RYR3: variants seen among roughly 807,000 people sequenced by gnomAD.
RYR3 encodes the protein ryanodine receptor 3.
Under a neutral mutation model 584.3 loss-of-function variants are expected in RYR3, and 207 were observed. The ratio of observed to expected loss-of-function variants is 0.35; its 90% CI spans 0.32 to 0.40. The LOEUF (loss-of-function observed/expected upper bound fraction) is 0.40, where lower values mean the gene tolerates loss of function less well. Among genes scored for constraint, RYR3 ranks in the 10% least tolerant of loss-of-function variants. The probability of loss-of-function intolerance (pLI) is 1.00; values close to 1 mark genes in which losing one functional copy is unlikely to be tolerated. For missense variants in RYR3, 5,616 were observed against 6,089.2 expected, an observed-to-expected ratio of 0.92 and a Z score of 2.59; for synonymous variants, 2,416 against 2,248.5, an observed-to-expected ratio of 1.07 and a Z score of -2.11.
intron 16 of RYR3, among the ~76,000 whole-genome samples, chr15:33,588,916 A>C (rs2058989949): frequency 6.6e-6 from 1 of 152,188 alleles, no homozygotes; most frequent in Non-Finnish European, 1.5e-5. Flanking sequence ...TGTGATAAAC[A>C]TACAAATGCA....
chr15:33,340,689 A>G (rs974134941), intron 1 of RYR3, among the ~76,000 whole-genome samples: 3 of 152,090 alleles, frequency 2.0e-5, no homozygotes, highest in Admixed American at 6.5e-5. Context: ...GTCCTATTGG[A>G]TTAGGGCTCC....
intron 38 of RYR3, among the ~76,000 whole-genome samples, chr15:33,687,140 A>G (rs1454774857): frequency 1.3e-5 from 2 of 152,318 alleles, no homozygotes; most frequent in South Asian, 4.1e-4. Context: ...CCTGTTTGCC[A>G]ATGACATGAT....
intron 50 of RYR3, 65 bp downstream of exon 50, chr15:33,738,655 CA>C: frequency 6.4e-7 from 1 of 1,570,820 alleles, no homozygotes; most frequent in Non-Finnish European, 8.7e-7. Flanking sequence ...CAGATAATAA[CA>C]GCCGTCATCT....
intron 2 of RYR3, among the ~76,000 whole-genome samples, chr15:33,492,505 A>G (rs1313718460): frequency 6.6e-6 from 1 of 151,742 alleles, no homozygotes; most frequent in Non-Finnish European, 1.5e-5. Context: ...AATAAAAACT[A>G]CATGTCCACA....
chr15:33,578,619 T>C (rs1037960372), intron 12 of RYR3, among the ~76,000 whole-genome samples: 12 of 148,670 alleles, frequency 8.1e-5, no homozygotes, highest in African/African-American at 3.0e-4. Flanking sequence ...GGGTGGGGGG[T>C]AGGAGGAGGC....
intron 1 of RYR3, among the ~76,000 whole-genome samples, chr15:33,315,919 G>C (rs151169698): frequency 3.0e-4 from 46 of 152,302 alleles, no homozygotes; most frequent in African/African-American, 1.1e-3. Flanking sequence ...CACTGTATAA[G>C]GACTGAGGTC....
At chr15:33,408,908 C>G (rs2043199716) in intron 1 of RYR3, among the ~76,000 whole-genome samples, 1 of 152,198 alleles carries the variant, frequency 6.6e-6, no homozygotes, top group African/African-American at 2.4e-5. Flanking sequence ...TTATAGTCAT[C>G]TACTTAGAGT....
At chr15:33,511,329 TA>T (rs34328973) in intron 3 of RYR3, among the ~76,000 whole-genome samples, 17,608 of 119,300 alleles carry the variant, frequency 0.15, 1,278 homozygotes, top group East Asian at 0.39. Flanking sequence ...TTTCTCTCTT[TA>T]AAAAAAAAAA....
intron 61 of RYR3, 110 bp downstream of exon 61, chr15:33,768,817 T>C: frequency 9.7e-7 from 1 of 1,029,958 alleles, no homozygotes; most frequent in Admixed American, 1.8e-5. Flanking sequence ...GACTAAGGTG[T>C]CACCTAAATT....
intron 1 of RYR3, among the ~76,000 whole-genome samples, chr15:33,432,117 G>A (rs143574364): frequency 2.0e-5 from 3 of 152,278 alleles, no homozygotes; most frequent in Non-Finnish European, 2.9e-5. Context: ...ATATTATGCA[G>A]TTTTGGATGA....
intron 16 of RYR3, among the ~76,000 whole-genome samples, chr15:33,587,699 A>G (rs557509867): frequency 6.6e-6 from 1 of 152,352 alleles, no homozygotes; most frequent in African/African-American, 2.4e-5. Flanking sequence ...GAGTCTTTTC[A>G]AAGACGTTCC....
chr15:33,475,155 G>A (rs2049267151), intron 2 of RYR3, among the ~76,000 whole-genome samples: 1 of 152,204 alleles, frequency 6.6e-6, no homozygotes, highest in Non-Finnish European at 1.5e-5. Context: ...AGCTACTCAT[G>A]TGACCGTGGG....
intron 1 of RYR3, among the ~76,000 whole-genome samples, chr15:33,419,847 A>C (rs1006866417): frequency 9.9e-5 from 15 of 152,154 alleles, no homozygotes; most frequent in African/African-American, 3.6e-4. Flanking sequence ...TGTACTACAT[A>C]TGTATAAAAT....
intron 38 of RYR3, among the ~76,000 whole-genome samples, chr15:33,672,230 T>G (rs1319122270): frequency 6.6e-6 from 1 of 152,200 alleles, no homozygotes; most frequent in African/African-American, 2.4e-5. Context: ...ACTTGTCACC[T>G]GCCTCTGTGA....
At chr15:33,725,202 C>CACACACACACAT (rs1391087187) in intron 45 of RYR3, among the ~76,000 whole-genome samples, 13 of 111,078 alleles carry the variant, frequency 1.2e-4, no homozygotes, top group African/African-American at 3.4e-4. Context: ...CACACACACA[C>CACACACACACAT]ATATATACAT....
At chr15:33,731,911 G>T (rs2068987381) in intron 48 of RYR3, among the ~76,000 whole-genome samples, 1 of 152,158 alleles carries the variant, frequency 6.6e-6, no homozygotes, top group South Asian at 2.1e-4. Context: ...AAGGGAGAGG[G>T]CACAGCTCAG....
chr15:33,752,757 C>G (rs2152853930), intron 57 of RYR3, among the ~76,000 whole-genome samples: 1 of 152,274 alleles, frequency 6.6e-6, no homozygotes, highest in Non-Finnish European at 1.5e-5. Context: ...GCCAGAACGT[C>G]CAATAATATG....
intron 1 of RYR3, among the ~76,000 whole-genome samples, chr15:33,418,190 T>C (rs1268880593): frequency 2.0e-5 from 3 of 152,186 alleles, no homozygotes; most frequent in Non-Finnish European, 4.4e-5. Context: ...ACACTAGTTT[T>C]ATAGAATGAG....
Position 33,715,191 on chromosome 15 carries a change from C to T in RYR3, c.6620-7524C>T, listed in dbSNP as rs186858033. Among the ~76,000 whole-genome samples, 531 of 152,264 alleles carry T rather than the reference C, an allele frequency of 3.5e-3. 2 individuals are homozygous for T. The highest frequency in any genetic ancestry group is 5.7e-3 in the Non-Finnish European group (389 of 68,018). ...TTGAAGGGCATACAAGGTGTAGACA[C>T]TTAAGAATCATCTGGTTTATTTCTG... On this transcript the variant is annotated intron_variant, in intron 43 of 103. Transcript: ENST00000634891.
Sources: allele counts gnomAD v4.1 joint callset (sites outside exome capture counted in the v4.1 genomes callset), GRCh38; gene constraint gnomAD v4.1.1; transcripts MANE v1.5; gene names NCBI Gene and HGNC (gene_info 2026-07-23, HGNC 2026-07-21).